The following SHISA9 variants were observed in gnomAD, a reference collection of about 807,000 sequenced individuals.
SHISA9 encodes the protein protein shisa-9.
A neutral mutation model predicts 38.0 loss-of-function variants in SHISA9; 13 were observed. The observed-to-expected ratio is 0.34, with a 90% CI of 0.22 to 0.54. The LOEUF (loss-of-function observed/expected upper bound fraction) is 0.54, where lower values mean the gene tolerates loss of function less well. Among genes scored for constraint, SHISA9 ranks in the 20% least tolerant of loss-of-function variants. SHISA9 has a pLI of 0.91. For missense variants in SHISA9, 538 were observed against 575.8 expected (o/e 0.93, Z 0.67); for synonymous variants, 275 against 242.0 (o/e 1.14, Z -1.27).
At chr16:13,360,395 A>T in the SHISA9 span, among the ~76,000 whole-genome samples, 1 of 152,118 alleles carries the variant, frequency 6.6e-6, no homozygotes, top group Non-Finnish European at 1.5e-5. Context: ...CCCTACAGAT[A>T]CTGGGAGGGA....
At chr16:13,284,582 T>G in the SHISA9 span, among the ~76,000 whole-genome samples, 6 of 152,244 alleles carry the variant, frequency 3.9e-5, no homozygotes, top group East Asian at 9.7e-4. Flanking sequence ...ATTTCTTTAT[T>G]ATGCATTTCA....
At chr16:13,241,117 C>T (rs147289203), downstream of SHISA9, among the ~76,000 whole-genome samples, 8 of 152,266 alleles carry the variant, frequency 5.3e-5, no homozygotes, top group African/African-American at 1.9e-4. Context: ...TGTTTACGTG[C>T]CCATGGCCAT....
intron 2 of SHISA9, among the ~76,000 whole-genome samples, chr16:13,101,333 CG>C (rs1342930724): frequency 2.6e-5 from 4 of 152,100 alleles, no homozygotes; most frequent in African/African-American, 7.2e-5. Context: ...TTTATTGTAT[CG>C]ATTATGTCAC....
intron 2 of SHISA9, among the ~76,000 whole-genome samples, chr16:12,922,320 A>C (rs2071337983): frequency 2.0e-5 from 3 of 152,234 alleles, no homozygotes; most frequent in South Asian, 4.1e-4. Context: ...TTTAGTTCTC[A>C]ATCAACCCTC....
intron 2 of SHISA9, among the ~76,000 whole-genome samples, chr16:13,036,580 G>A (rs1369888841): frequency 2.0e-5 from 3 of 152,068 alleles, no homozygotes; most frequent in African/African-American, 7.2e-5. Flanking sequence ...TCTGTAAAAA[G>A]TCATCAAAAT....
chr16:12,978,602 T>A (rs8063239), intron 2 of SHISA9, among the ~76,000 whole-genome samples: 27,152 of 152,180 alleles, frequency 0.18, 2,713 homozygotes, highest in African/African-American at 0.25. Flanking sequence ...AATCTGCTTA[T>A]TATTAATGTG....
At chr16:13,525,845 G>A in the SHISA9 span, among the ~76,000 whole-genome samples, 67 of 152,250 alleles carry the variant, frequency 4.4e-4, no homozygotes, top group Non-Finnish European at 8.5e-4. Flanking sequence ...GGGAGATTTA[G>A]ATATTGCAAA....
chr16:13,068,992 ATGTG>A (rs1038829285), intron 2 of SHISA9, among the ~76,000 whole-genome samples: 2 of 151,644 alleles, frequency 1.3e-5, no homozygotes, highest in African/African-American at 2.4e-5. Context: ...TGTACATGCA[ATGTG>A]TGTATGTGCG....
At chr16:12,904,254 T>C (rs187336127) in intron 1 of SHISA9, among the ~76,000 whole-genome samples, 1 of 152,110 alleles carries the variant, frequency 6.6e-6, no homozygotes, top group Non-Finnish European at 1.5e-5. Flanking sequence ...TAGGGAAAGA[T>C]TGACTCCGAG....
At chr16:13,466,219 C>T in the SHISA9 span, among the ~76,000 whole-genome samples, 5 of 152,160 alleles carry the variant, frequency 3.3e-5, no homozygotes, top group Non-Finnish European at 5.9e-5. Context: ...AAGACTGCCA[C>T]GCGGCCACTT....
the SHISA9 span, among the ~76,000 whole-genome samples, chr16:13,533,845 G>A: frequency 1.3e-4 from 20 of 148,990 alleles, no homozygotes; most frequent in African/African-American, 7.5e-5. Flanking sequence ...GTGCAGTGGC[G>A]CGATCTCGGC....
chr16:13,417,136 A>G, the SHISA9 span, among the ~76,000 whole-genome samples: 2 of 152,226 alleles, frequency 1.3e-5, no homozygotes, highest in African/African-American at 4.8e-5. Context: ...ACTGCATGGC[A>G]ACTGGAGAAG....
the SHISA9 span, among the ~76,000 whole-genome samples, chr16:13,282,371 T>C: frequency 1.3e-5 from 2 of 152,040 alleles, no homozygotes; most frequent in African/African-American, 4.8e-5. Context: ...TCAGTAATAT[T>C]TTTTACATTT....
the SHISA9 span, among the ~76,000 whole-genome samples, chr16:13,416,336 G>A: frequency 1.3e-5 from 2 of 152,034 alleles, no homozygotes; most frequent in Non-Finnish European, 2.9e-5. Context: ...TTCTTAGAAG[G>A]GAAACAAGGC....
chr16:13,496,957 C>T, the SHISA9 span, among the ~76,000 whole-genome samples: 9 of 151,972 alleles, frequency 5.9e-5, no homozygotes, highest in Admixed American at 4.6e-4. Context: ...TTAATTAATG[C>T]GTTTAATTCA....
intron 2 of SHISA9, among the ~76,000 whole-genome samples, chr16:13,073,564 G>T (rs923589510): frequency 2.0e-5 from 3 of 152,100 alleles, no homozygotes; most frequent in African/African-American, 7.2e-5. Flanking sequence ...CTGGATGTGG[G>T]GCCCGGCAAT....
chr16:13,084,008 A>G (rs1009340359), intron 2 of SHISA9, among the ~76,000 whole-genome samples: 20 of 152,306 alleles, frequency 1.3e-4, no homozygotes, highest in African/African-American at 4.6e-4. Flanking sequence ...AACTTGCCCA[A>G]GGTCAAACTG....
At chr16:13,116,636 G>T (rs912390554) in intron 2 of SHISA9, among the ~76,000 whole-genome samples, 1 of 152,186 alleles carries the variant, frequency 6.6e-6, no homozygotes, top group Admixed American at 6.5e-5. Context: ...AGCATGGTGG[G>T]TGCTCAGCAA....
At chr16:13,446,744 A>C in the SHISA9 span, among the ~76,000 whole-genome samples, 1 of 152,072 alleles carries the variant, frequency 6.6e-6, no homozygotes, top group Non-Finnish European at 1.5e-5. Context: ...TGGGAGGCCG[A>C]GGCGGGTGGA....
Sources: gnomAD v4.1 joint callset for allele counts (sites outside exome capture counted in the v4.1 genomes callset) on GRCh38, gnomAD v4.1.1 for gene constraint, MANE v1.5 for transcripts, NCBI Gene and HGNC (gene_info 2026-07-23, HGNC 2026-07-21) for gene names.